ENAM: variants seen among roughly 807,000 people sequenced by gnomAD.
ENAM encodes enamelin, also known as amelogenesis imperfecta 2, hypocalcification (autosomal dominant).
In ENAM, 21 loss-of-function variants were observed where a neutral mutation model predicts 33.6. The observed-to-expected ratio is 0.63, with a 90% CI of 0.44 to 0.90. The LOEUF (loss-of-function observed/expected upper bound fraction) is 0.90, where lower values mean the gene tolerates loss of function less well. ENAM is among the 40% of genes least tolerant of loss of function. ENAM has a pLI of 0.00. For missense variants in ENAM, 1,388 were observed against 1,366.9 expected, an observed-to-expected ratio of 1.02 and a Z score of -0.24; for synonymous variants, 473 against 468.4, an observed-to-expected ratio of 1.01 and a Z score of -0.13.
chr4:70,642,577 C>T lies in ENAM; in HGVS notation c.1151C>T (p.Pro384Leu), dbSNP rs1738629615. The change falls in exon 9 of 9, where the codon CCT becomes CTT. Residue 384 changes from proline to leucine, a missense_variant. Pro to Leu is a moderately conservative substitution (Grantham distance 98). Transcript: ENST00000396073. ...PGNPVYHKAY[P>L]PTSRGNYPNY... is the part of the protein sequence containing the mutation. ...AATCCAGTTTATCACAAAGCTTACC[C>T]TCCTACTTCAAGAGGCAATTATCCC... 2 of 1,613,884 alleles carry T rather than the reference C, an allele frequency of 1.2e-6. No homozygotes were observed. The highest frequency in any genetic ancestry group is 1.7e-5 in the Admixed American group (1 of 59,986).
Position 70,632,647 on chromosome 4 carries a change from G to A in ENAM, c.169-4G>A. 6.3e-7 allele frequency: 1 copy of A among 1,592,136 alleles called. No homozygotes were observed. ...ATCACATTAATGGATTCCTTTGGTTGCAGATGATGCGGTATAATCAATTCA... is the reference window on the plus strand; with the variant it reads ...ATCACATTAATGGATTCCTTTGGTTACAGATGATGCGGTATAATCAATTCA... On this transcript the variant is annotated splice_polypyrimidine_tract_variant and splice_region_variant and intron_variant, in intron 4 of 8. Transcript: ENST00000396073.
chr4:70,639,832 G>T (rs966961), intron 8 of ENAM, among the ~76,000 whole-genome samples: 28,784 of 151,900 alleles, frequency 0.19, 6,452 homozygotes, highest in African/African-American at 0.55. Context: ...AAGGCTGCAG[G>T]GAACCCTGAT....
At position 70,642,542 on chromosome 4, in the gene ENAM, T is replaced by C. The variant is rs1305844395; in HGVS notation, c.1116T>C (p.Ala372=). 2 of 1,614,078 alleles carry C rather than the reference T, an allele frequency of 1.2e-6. No individual in the cohort carries two copies. Among genetic ancestry groups the C allele is most frequent in the Non-Finnish European group, 1.7e-6 (2 of 1,180,006 alleles). ...TTGCTTGGGAACGTAAACAAGTAGCTCGTCCAGGAAATCCAGTTTATCACA... is the reference window on the plus strand; with the variant it reads ...TTGCTTGGGAACGTAAACAAGTAGCCCGTCCAGGAAATCCAGTTTATCACA... ...NFFAWERKQV[A]RPGNPVYHKA... The change falls in exon 9 of 9, where the codon GCT becomes GCC. Residue 372 remains alanine (A), a synonymous_variant. Transcript: ENST00000396073.
Position 70,643,284 on chromosome 4 carries a change from T to C in ENAM, c.1858T>C (p.Trp620Arg). 6.2e-7 allele frequency: 1 copy of C among 1,614,002 alleles called. No individual in the cohort carries two copies. The highest frequency in any genetic ancestry group is 8.5e-7 in the Non-Finnish European group (1 of 1,179,974). The stretch of plus-strand genomic sequence containing the variant: ...CTCACCATACCTTAGAGGCAATACA[T>C]GGGATGAGAGAGATGATTCTCCCAA... ...ENSPYLRGNT[W>R]DERDDSPNTM... is the part of the protein sequence containing the mutation. Residue 620 changes from tryptophan (W) to arginine (R), a missense_variant, in exon 9 of 9, where the codon TGG (tryptophan) becomes CGG (arginine). Coordinates refer to ENST00000396073, the MANE Select transcript of ENAM (RefSeq NM_031889.3).
chr4:70,644,873 A>T lies in ENAM; in HGVS notation c.*18A>T, dbSNP rs773449384. 6.2e-7 allele frequency: 1 copy of T among 1,605,508 alleles called. No individual in the cohort carries two copies. ...AGGCCTAGGGGTTATCCAACCAAGC[A>T]TTCTTGGGGAAAGAGAAATCACTGA... On this transcript the variant is annotated 3_prime_UTR_variant, in exon 9 of 9. Coordinates refer to ENST00000396073, the MANE Select transcript of ENAM (RefSeq NM_031889.3).
At position 70,644,269 on chromosome 4, in the gene ENAM, A is replaced by T; in HGVS notation, c.2843A>T (p.Asp948Val). The T allele has an allele frequency of 1.2e-6, 2 of 1,614,146 alleles. No individual in the cohort carries two copies. Among genetic ancestry groups the T allele is most frequent in the South Asian group, 1.1e-5 (1 of 91,086 alleles). The part of the protein sequence containing the change: ...KRESQNPFRD[D>V]VSTLRRNTPC... Reference sequence around the variant, plus strand: ...GAAAGCCAAAACCCTTTTAGAGATGATGTGTCCACGCTGAGGAGGAACACA... The same window carrying T: ...GAAAGCCAAAACCCTTTTAGAGATGTTGTGTCCACGCTGAGGAGGAACACA... The change falls in exon 9 of 9, where the codon GAT (aspartate) becomes GTT (valine). Residue 948 changes from aspartate (D) to valine (V), a missense_variant. Asp to Val is a radical substitution (Grantham distance 152, BLOSUM62 -3). Coordinates refer to ENST00000396073, the MANE Select transcript of ENAM (RefSeq NM_031889.3).
chr4:70,632,799 T>C, intron 5 of ENAM, 107 bp downstream of exon 5: 1 of 820,178 alleles, frequency 1.2e-6, no homozygotes, highest in African/African-American at 1.7e-5. Flanking sequence ...GTTTTAAGTA[T>C]AATGTAATCA....
rs201463568 is a variant in ENAM at position 70,631,900 on chromosome 4, A to T, written c.168+7A>T. ...TAGCAGTAAAAGTGAGGAGGTATGTACGTTCAGTCTCAGAGGAGAAGTTAT... is the reference window on the plus strand; with the variant it reads ...TAGCAGTAAAAGTGAGGAGGTATGTTCGTTCAGTCTCAGAGGAGAAGTTAT... On this transcript the variant is annotated splice_region_variant and intron_variant, in intron 4 of 8. Coordinates refer to ENST00000396073, the MANE Select transcript of ENAM (RefSeq NM_031889.3). 6.9e-5 allele frequency: 111 copies of T among 1,612,786 alleles called. No homozygotes were observed. In the East Asian group the frequency reaches 2.0e-3, roughly 29 times the overall value.
chr4:70,629,331 G>A (rs920924230), intron 1 of ENAM, 110 bp from the exon 2 acceptor site: 1 of 638,392 alleles, frequency 1.6e-6, no homozygotes, highest in Non-Finnish European at 2.8e-6. Flanking sequence ...TTGATTTTGT[G>A]GCCCCCTAAT....
In ENAM at chr4:70,640,163, C is replaced by T. The variant is rs546445271; in HGVS notation, c.589-1852C>T. Among the ~76,000 whole-genome samples, 67 of 152,196 alleles carry T rather than the reference C, an allele frequency of 4.4e-4. No homozygotes were observed. In the South Asian group the frequency reaches 6.0e-3, roughly 14 times the overall value. On this transcript the variant is annotated intron_variant, in intron 8 of 8. Coordinates refer to ENST00000396073, the MANE Select transcript of ENAM (RefSeq NM_031889.3). The stretch of plus-strand genomic sequence containing the variant: ...TCCCACTCTCCTCGGTACTGGAAAA[C>T]AAGGATGAGAAGCATAATGTTTTCA...
intron 8 of ENAM, among the ~76,000 whole-genome samples, chr4:70,639,686 T>G (rs1403223949): frequency 1.3e-5 from 2 of 152,182 alleles, no homozygotes; most frequent in African/African-American, 2.4e-5. Flanking sequence ...GAGGATCACT[T>G]AAGCCCAGGA....
At chr4:70,630,744 A>G (rs982508761) in intron 2 of ENAM, among the ~76,000 whole-genome samples, 26 of 142,418 alleles carry the variant, frequency 1.8e-4, no homozygotes, top group Middle Eastern at 3.3e-3. Context: ...AGCATAAGTG[A>G]TTTTTTTTTT....
At position 70,631,428 on chromosome 4, in the gene ENAM, GTCTC is replaced by G. The variant is rs554635180; in HGVS notation, c.55-233_55-230del. 1.7e-4 allele frequency among the ~76,000 whole-genome samples: 26 copies of G among 151,040 alleles called. No homozygotes were observed. The South Asian group carries it at 5.5e-3, about 32-fold the overall frequency. ...TCTTTCCCTGTCTCTCTCTTTCCCT[GTCTC>G]TCTCTCTCACGCACACACACTTATA... On this transcript the variant is annotated intron_variant, in intron 2 of 8. Transcript: ENST00000396073.
intron 2 of ENAM, among the ~76,000 whole-genome samples, chr4:70,630,949 CT>C (rs1393210483): frequency 6.6e-6 from 1 of 152,084 alleles, no homozygotes; most frequent in Non-Finnish European, 1.5e-5. Context: ...ACCATGTTGG[CT>C]CAGCTGGTCT....
In ENAM at chr4:70,646,378, C is replaced by A. The variant is rs1293159828; in HGVS notation, c.*1523C>A. 6.6e-6 allele frequency: 1 copy of A among 152,142 alleles called. No individual in the cohort carries two copies. Among genetic ancestry groups the A allele is most frequent in the Non-Finnish European group, 1.5e-5 (1 of 68,020 alleles). 9.4% of individuals were successfully genotyped at this position (152,142 alleles called of 1,614,324 possible). ...AGGATACATCTTCAGGGGCAGATTT[C>A]ATAACAACATCTCAAAAATTTGGGG... is the stretch of plus-strand genomic sequence containing the variant. On this transcript the variant is annotated 3_prime_UTR_variant, in exon 9 of 9. Coordinates refer to ENST00000396073, the MANE Select transcript of ENAM (RefSeq NM_031889.3).
intron 2 of ENAM, among the ~76,000 whole-genome samples, chr4:70,630,304 ATTGGC>A (rs1738278221): frequency 6.6e-6 from 1 of 152,226 alleles, no homozygotes; most frequent in African/African-American, 2.4e-5. Context: ...AAGGGTGAGC[ATTGGC>A]TCCAATTATG....
At chr4:70,641,937 T>G (rs1031469161) in intron 8 of ENAM, 78 bp from the exon 9 acceptor site, 1 of 981,004 alleles carries the variant, frequency 1.0e-6, no homozygotes, top group African/African-American at 1.6e-5. Flanking sequence ...AAGATTTCCC[T>G]GTTATACTAA....
Position 70,643,404 on chromosome 4 carries a change from A to G in ENAM, c.1978A>G (p.Thr660Ala), listed in dbSNP as rs751321626. Residue 660 changes from threonine to alanine, a missense_variant, in exon 9 of 9, where the codon ACT becomes GCT. By Grantham distance (58) the Thr-to-Ala change is moderately conservative. Transcript: ENST00000396073. The stretch of plus-strand genomic sequence containing the variant: ...TAATGAAGAGGACCCAGTTGATCCA[A>G]CTGGAGATGAAGTCTTTCCTGGACA... ...PYNEEDPVDP[T>A]GDEVFPGQNR... 2.5e-6 allele frequency: 4 copies of G among 1,614,008 alleles called. No individual in the cohort carries two copies. Among genetic ancestry groups the G allele is most frequent in the Admixed American group, 1.7e-5 (1 of 60,000 alleles).
intron 8 of ENAM, 46 bp from the exon 9 acceptor site, chr4:70,641,969 G>T: frequency 7.0e-7 from 1 of 1,436,078 alleles, no homozygotes; most frequent in Non-Finnish European, 9.8e-7. Flanking sequence ...CAACACCATG[G>T]TGGGAAACAA....
Sources: allele counts gnomAD v4.1 joint callset (sites outside exome capture counted in the v4.1 genomes callset), GRCh38; gene constraint gnomAD v4.1.1; transcripts MANE v1.5; gene names NCBI Gene and HGNC (gene_info 2026-07-23, HGNC 2026-07-21).